Variants in CCDC85C observed in about 807,000 individuals in gnomAD.
The protein encoded by CCDC85C is coiled-coil domain containing 85C, also known as coiled-coil domain-containing protein 85C.
In CCDC85C, 18 loss-of-function variants were observed where a neutral mutation model predicts 38.3. That is an observed-to-expected ratio of 0.47 (90% CI 0.33 to 0.70). CCDC85C has a LOEUF of 0.70. Among genes scored for constraint, CCDC85C ranks in the 30% least tolerant of loss-of-function variants. The probability of loss-of-function intolerance (pLI) is 0.03; values close to 1 mark genes in which losing one functional copy is unlikely to be tolerated. For missense variants in CCDC85C, 566 were observed against 621.2 expected (o/e 0.91, Z 0.94); for synonymous variants, 264 against 293.8 (o/e 0.90, Z 1.04).
chr14:99,520,423 CGCCG>C lies in CCDC85C; in HGVS notation c.975+1706_975+1709del, dbSNP rs1464837469. ...CAACCCCCACTCCTGGGGGCCTGCCCGCCGACCAGCCCCGATCACGGCCCCTGCA... is the reference window on the plus strand; with the variant it reads ...CAACCCCCACTCCTGGGGGCCTGCCCACCAGCCCCGATCACGGCCCCTGCA... On this transcript the variant is annotated intron_variant, in intron 3 of 5. Coordinates refer to ENST00000380243, the MANE Select transcript of CCDC85C (RefSeq NM_001144995.2). This position sits in a 1 kb window ranked among gnomAD's most constrained non-coding sequence, Gnocchi z 4.1. Among the ~76,000 whole-genome samples the C allele has an allele frequency of 2.5e-4, 38 of 150,706 alleles. No homozygotes were observed. The highest frequency in any genetic ancestry group is 3.4e-3 in the Middle Eastern group (1 of 292).
chr14:99,507,208 GC>G lies in CCDC85C; in HGVS notation c.*8037del. The G allele has an allele frequency of 1.0e-6, 1 of 995,076 alleles. No homozygotes were observed. 61.6% of individuals were successfully genotyped at this position (995,076 alleles called of 1,614,324 possible). ...ACATCGCCTCTGAATGTTGGACGCA[GC>G]AGGTCCTGGGAACTTAGAAAAGGGA... On this transcript the variant is annotated 3_prime_UTR_variant, in exon 6 of 6. Coordinates refer to ENST00000380243, the MANE Select transcript of CCDC85C (RefSeq NM_001144995.2).
chr14:99,527,962 G>T (rs559775357), intron 2 of CCDC85C, among the ~76,000 whole-genome samples: 1 of 152,180 alleles, frequency 6.6e-6, no homozygotes, highest in Non-Finnish European at 1.5e-5. Flanking sequence ...CCTCGGGGGC[G>T]GTCGCTGCAT....
rs930963709 is a variant in CCDC85C, at chr14:99,501,171, G to T, written c.*14075C>A. 2.9e-5 allele frequency: 18 copies of T among 613,506 alleles called. No homozygotes were observed. The highest frequency in any genetic ancestry group is 5.2e-5 in the Non-Finnish European group (18 of 347,950). The allele number at this position is 613,506 out of a possible 1,614,324, so 38.0% of individuals were successfully genotyped here. Reference sequence around the variant, plus strand: ...GGTTTTCCATACATGGTGGTTCAGCGTAGGTCATGAGGAGGAAGAAGGGGT... The same window carrying T: ...GGTTTTCCATACATGGTGGTTCAGCTTAGGTCATGAGGAGGAAGAAGGGGT... On this transcript the variant is annotated 3_prime_UTR_variant, in exon 6 of 6. Transcript: ENST00000380243.
rs186244626 is a variant in CCDC85C at position 99,548,733 on chromosome 14, C to T, written c.794-12645G>A. ...GTACTCGGGAGACCGAGGCGGGAGG[C>T]GTGCTGGAGCTCAGGAGTGTGAGTC... On this transcript the variant is annotated intron_variant, in intron 1 of 5. Transcript: ENST00000380243. The surrounding 1 kb of genome is among the most constrained non-coding windows in gnomAD (Gnocchi z 4.9). Among the ~76,000 whole-genome samples, 12 of 152,180 alleles carry T rather than the reference C, an allele frequency of 7.9e-5. No homozygotes were observed. The highest frequency in any genetic ancestry group is 1.5e-4 in the Non-Finnish European group (10 of 67,998).
At chr14:99,564,075 T>A (rs56362111) in intron 1 of CCDC85C, among the ~76,000 whole-genome samples, 70,213 of 152,096 alleles carry the variant, frequency 0.46, 16,502 homozygotes, top group Middle Eastern at 0.52. Context: ...TGAAGGGGAC[T>A]TGCCTTTGCA....
chr14:99,588,718 A>G lies in CCDC85C; in HGVS notation c.793+14449T>C, dbSNP rs2055053053. Reference sequence around the variant, plus strand: ...ACTTGGAAGGTGGTCCTGAAGTAAGAAACCAGGCCACTGCAGGTCTTCAAA... The same window carrying G: ...ACTTGGAAGGTGGTCCTGAAGTAAGGAACCAGGCCACTGCAGGTCTTCAAA... On this transcript the variant is annotated intron_variant, in intron 1 of 5. Transcript: ENST00000380243. The surrounding 1 kb of genome is among the most constrained non-coding windows in gnomAD (Gnocchi z 5.0). Among the ~76,000 whole-genome samples, 1 of 151,898 alleles carries G rather than the reference A, an allele frequency of 6.6e-6. No homozygotes were observed. The highest frequency in any genetic ancestry group is 2.1e-4 in the South Asian group (1 of 4,804).
chr14:99,503,475 C>A lies in CCDC85C; in HGVS notation c.*11771G>T. The stretch of plus-strand genomic sequence containing the variant: ...GGTGCCGTGGTTTGCCCTGAAAGTT[C>A]AGGCTAGAAATAATTTTTGTCCGAG... On this transcript the variant is annotated 3_prime_UTR_variant, in exon 6 of 6. Transcript: ENST00000380243. 1.4e-6 allele frequency: 1 copy of A among 691,728 alleles called. No individual in the cohort carries two copies. The highest frequency in any genetic ancestry group is 2.5e-6 in the Non-Finnish European group (1 of 401,584). 42.8% of individuals were successfully genotyped at this position (691,728 alleles called of 1,614,324 possible).
rs572751499 is a variant in CCDC85C at position 99,583,592 on chromosome 14, G to A, written c.793+19575C>T. ...GAGGCCGAGGCGGGCGGATCACAAG[G>A]TCAGAAGTTTGAGATCAGCCTGGCC... On this transcript the variant is annotated intron_variant, in intron 1 of 5. Coordinates refer to ENST00000380243, the MANE Select transcript of CCDC85C (RefSeq NM_001144995.2). Among the ~76,000 whole-genome samples the A allele has an allele frequency of 2.6e-5, 4 of 151,720 alleles. No homozygotes were observed. In the East Asian group the frequency reaches 7.8e-4, roughly 29 times the overall value.
At chr14:99,525,033 G>A (rs961161810) in intron 2 of CCDC85C, among the ~76,000 whole-genome samples, 10 of 152,210 alleles carry the variant, frequency 6.6e-5, no homozygotes, top group African/African-American at 1.4e-4. Flanking sequence ...GGCCCAATCC[G>A]CATTACTCAC....
chr14:99,593,309 A>G (rs981863342), intron 1 of CCDC85C, among the ~76,000 whole-genome samples: 2 of 152,252 alleles, frequency 1.3e-5, no homozygotes, highest in African/African-American at 4.8e-5. Flanking sequence ...TTCCCCTGAC[A>G]GTGGATGGTC....
chr14:99,515,320 G>C lies in CCDC85C; in HGVS notation c.1186C>G (p.Leu396Val). 1 of 1,550,584 alleles carries C rather than the reference G, an allele frequency of 6.4e-7. No homozygotes were observed. The highest frequency in any genetic ancestry group is 1.4e-5 in the African/African-American group (1 of 73,172). ...REMCNVVWRKLGDAASSKPSI... is the reference protein window; with the variant it reads ...REMCNVVWRKVGDAASSKPSI... ...GGCTTGGAGCTGGCTGCATCTCCCA[G>C]CTTTCTCCAGACCACCTGTGGAGAG... The change falls in exon 6 of 6, where the codon CTG becomes GTG. Residue 396 changes from leucine (L) to valine (V), a missense_variant. Around this residue, in one of 3 missense-constraint regions of CCDC85C, gnomAD observed 286 missense variants for 276.4 expected, o/e 1.03. Coordinates refer to ENST00000380243, the MANE Select transcript of CCDC85C (RefSeq NM_001144995.2).
chr14:99,593,711 G>A (rs767620336), intron 1 of CCDC85C, among the ~76,000 whole-genome samples: 7 of 152,352 alleles, frequency 4.6e-5, no homozygotes, highest in East Asian at 3.9e-4. Flanking sequence ...CAGTGTGGGC[G>A]CATCCTCGCC....
chr14:99,560,301 G>T (rs991026647), intron 1 of CCDC85C, among the ~76,000 whole-genome samples: 1 of 152,232 alleles, frequency 6.6e-6, no homozygotes, highest in East Asian at 1.9e-4. Flanking sequence ...CAGCCAGGAG[G>T]TGGGAGGGTC....
chr14:99,565,528 A>C (rs1404312742), intron 1 of CCDC85C, among the ~76,000 whole-genome samples: 1 of 152,204 alleles, frequency 6.6e-6, no homozygotes, highest in Non-Finnish European at 1.5e-5. Context: ...TGGAAGCCTA[A>C]AAATTAGGTT....
At chr14:99,579,887 G>C (rs781386029) in intron 1 of CCDC85C, 2 of 337,992 alleles carry the variant, frequency 5.9e-6, no homozygotes, top group Admixed American at 3.9e-5. Context: ...CTGTCTACCA[G>C]AGGTCGCCCA....
At chr14:99,602,408 G>C (rs1231577617) in intron 1 of CCDC85C, among the ~76,000 whole-genome samples, 1 of 152,196 alleles carries the variant, frequency 6.6e-6, no homozygotes. Context: ...GCGATCAACA[G>C]TTTATAAATC....
At chr14:99,526,342 C>A (rs144271280) in intron 2 of CCDC85C, among the ~76,000 whole-genome samples, 1 of 152,366 alleles carries the variant, frequency 6.6e-6, no homozygotes, top group South Asian at 2.1e-4. Context: ...ACTAACAATG[C>A]CTCTGCCCTG....
At position 99,535,951 on chromosome 14, in the gene CCDC85C, G is replaced by A. The variant is rs1387255494; in HGVS notation, c.867+64C>T. ...GGTCCCAAGGGGAAGGGTGCCCTGG[G>A]TGAGCTGGAGGGGTGGGTGCTGGGT... is the stretch of plus-strand genomic sequence containing the variant. On this transcript the variant is annotated intron_variant, in intron 2 of 5. Coordinates refer to ENST00000380243, the MANE Select transcript of CCDC85C (RefSeq NM_001144995.2). This position sits in a 1 kb window ranked among gnomAD's most constrained non-coding sequence, Gnocchi z 5.5. 3 of 1,258,858 alleles carry A rather than the reference G, an allele frequency of 2.4e-6. No homozygotes were observed. The East Asian group carries it at 7.6e-5, about 32-fold the overall frequency. The allele number at this position is 1,258,858 out of a possible 1,614,324, so 78.0% of individuals were successfully genotyped here.
chr14:99,550,396 C>A (rs1410803347), intron 1 of CCDC85C, among the ~76,000 whole-genome samples: 1 of 152,154 alleles, frequency 6.6e-6, no homozygotes, highest in Non-Finnish European at 1.5e-5. Flanking sequence ...GGGAAGCGGG[C>A]TCTCCCCTCT....
Sources: gnomAD v4.1 joint callset for allele counts (sites outside exome capture counted in the v4.1 genomes callset) on GRCh38, gnomAD v4.1.1 for gene constraint, gnomAD v4.1.1 regional missense constraint, Gnocchi (gnomAD v3.1) non-coding constraint, MANE v1.5 for transcripts, NCBI Gene and HGNC (gene_info 2026-07-23, HGNC 2026-07-21) for gene names.